BRAF: variants seen among roughly 807,000 people sequenced by gnomAD.
BRAF encodes serine/threonine-protein kinase B-raf.
BRAF carries 16 observed loss-of-function variants against 104.6 expected under a neutral mutation model. The ratio of observed to expected loss-of-function variants is 0.15; its 90% CI spans 0.10 to 0.23. The LOEUF (loss-of-function observed/expected upper bound fraction) is 0.23, where lower values mean the gene tolerates loss of function less well. Ranked by LOEUF, BRAF falls within the 10% of genes least tolerant of loss-of-function variation. The probability of loss-of-function intolerance (pLI) is 1.00; values close to 1 mark genes in which losing one functional copy is unlikely to be tolerated. For synonymous variants in BRAF, 310 were observed against 341.6 expected (o/e 0.91, Z 1.02); for missense variants, 541 against 937.3 (o/e 0.58, Z 5.52).
chr7:140,872,475 A>T (rs1811726055), intron 1 of BRAF, among the ~76,000 whole-genome samples: 1 of 152,136 alleles, frequency 6.6e-6, no homozygotes, highest in Non-Finnish European at 1.5e-5. Context: ...AAATAAGAAG[A>T]AGAAATAACA....
At chr7:140,736,071 CCT>C (rs1012641872) in intron 18 of BRAF, among the ~76,000 whole-genome samples, 1 of 150,286 alleles carries the variant, frequency 6.7e-6, no homozygotes, top group Admixed American at 6.6e-5. Context: ...TTCTTCTGTA[CCT>C]TTTTTTTTTT....
chr7:140,745,324 T>A (rs889816201), intron 17 of BRAF, among the ~76,000 whole-genome samples: 1 of 152,192 alleles, frequency 6.6e-6, no homozygotes, highest in African/African-American at 2.4e-5. Context: ...CAAGAGTCTT[T>A]CAGGAGGAAT....
At chr7:140,717,180 G>A (rs1795148566), downstream of BRAF, among the ~76,000 whole-genome samples, 1 of 152,138 alleles carries the variant, frequency 6.6e-6, no homozygotes, top group Non-Finnish European at 1.5e-5. Context: ...ATATACCTAT[G>A]TAAAATGCAT....
chr7:140,774,055 G>C (rs1394998355), intron 14 of BRAF, among the ~76,000 whole-genome samples: 4 of 152,222 alleles, frequency 2.6e-5, no homozygotes, highest in Non-Finnish European at 5.9e-5. Context: ...AGAAACTGAA[G>C]ATGTGTCGGT....
intron 17 of BRAF, among the ~76,000 whole-genome samples, chr7:140,743,041 T>C (rs1441471045): frequency 6.6e-6 from 1 of 152,212 alleles, no homozygotes; most frequent in Non-Finnish European, 1.5e-5. Flanking sequence ...TCACACCAGT[T>C]AGAATCACAA....
chr7:140,796,894 A>C (rs963126442), intron 7 of BRAF, among the ~76,000 whole-genome samples: 2 of 152,222 alleles, frequency 1.3e-5, no homozygotes, highest in African/African-American at 4.8e-5. Flanking sequence ...TCTAATTTAC[A>C]TAACAGGTAT....
chr7:140,808,314 G>T (rs1562969756), intron 4 of BRAF: 1 of 283,116 alleles, frequency 3.5e-6, no homozygotes, highest in Non-Finnish European at 6.8e-6. Flanking sequence ...CTCCAGAAAA[G>T]ACCTACAACA....
At chr7:140,837,863 A>G (rs1339363332) in intron 2 of BRAF, among the ~76,000 whole-genome samples, 2 of 152,106 alleles carry the variant, frequency 1.3e-5, no homozygotes, top group African/African-American at 4.8e-5. Flanking sequence ...AGTTTACTCT[A>G]CTTCTTTATC....
chr7:140,840,497 T>C (rs937010503), intron 2 of BRAF, among the ~76,000 whole-genome samples: 3 of 151,978 alleles, frequency 2.0e-5, no homozygotes, highest in Admixed American at 6.5e-5. Flanking sequence ...CTAGAATATA[T>C]AAAGAACTCC....
At chr7:140,843,153 A>G (rs1381618825) in intron 2 of BRAF, among the ~76,000 whole-genome samples, 1 of 152,226 alleles carries the variant, frequency 6.6e-6, no homozygotes, top group Non-Finnish European at 1.5e-5. Context: ...AAGCATAGTC[A>G]CTAGTATAGG....
intron 1 of BRAF, among the ~76,000 whole-genome samples, chr7:140,866,894 C>T (rs1811024129): frequency 6.6e-6 from 1 of 151,778 alleles, no homozygotes. Context: ...CTTTGTAAGA[C>T]AGTGTTTTAA....
At chr7:140,813,493 T>A (rs144840393) in intron 3 of BRAF, among the ~76,000 whole-genome samples, 6 of 152,270 alleles carry the variant, frequency 3.9e-5, no homozygotes, top group African/African-American at 1.4e-4. Context: ...CTCTTTGACC[T>A]AGTCAAGCAT....
chr7:140,916,512 CT>C (rs1586649317), intron 1 of BRAF, among the ~76,000 whole-genome samples: 1 of 152,322 alleles, frequency 6.6e-6, no homozygotes, highest in East Asian at 1.9e-4. Context: ...CTAATTGACA[CT>C]TTCGGTGACT....
chr7:140,886,963 T>C (rs1348464568), intron 1 of BRAF, among the ~76,000 whole-genome samples: 1 of 152,204 alleles, frequency 6.6e-6, no homozygotes, highest in Admixed American at 6.5e-5. Flanking sequence ...AGAGAGGTAC[T>C]GGAGGCAGGG....
At chr7:140,858,815 A>G (rs1417966326) in intron 1 of BRAF, among the ~76,000 whole-genome samples, 8 of 151,966 alleles carry the variant, frequency 5.3e-5, no homozygotes, top group Non-Finnish European at 7.4e-5. Flanking sequence ...TAGTGTTTAT[A>G]TAAGTGTTTA....
chr7:140,800,904 T>C (rs748571224), intron 6 of BRAF: 1 of 253,112 alleles, frequency 4.0e-6, no homozygotes, highest in Non-Finnish European at 7.7e-6. Context: ...GTCTAATCTA[T>C]TAGAAAAACT....
At chr7:140,838,621 A>G (rs1490509877) in intron 2 of BRAF, among the ~76,000 whole-genome samples, 2 of 152,226 alleles carry the variant, frequency 1.3e-5, no homozygotes, top group African/African-American at 4.8e-5. Context: ...CTTAAAATTC[A>G]TATGGAAATA....
chr7:140,814,744 TAC>T (rs991920229), intron 3 of BRAF, among the ~76,000 whole-genome samples: 2 of 139,042 alleles, frequency 1.4e-5, no homozygotes, highest in African/African-American at 3.0e-5. Flanking sequence ...ATAATTTATA[TAC>T]AATATATAAC....
chr7:140,746,456 G>GAGA (rs1386345071), intron 17 of BRAF, among the ~76,000 whole-genome samples: 4 of 152,112 alleles, frequency 2.6e-5, no homozygotes. Context: ...AAAGAGCTAA[G>GAGA]AGAACTATTT....
Sources: allele counts gnomAD v4.1 joint callset (sites outside exome capture counted in the v4.1 genomes callset), GRCh38; gene constraint gnomAD v4.1.1; transcripts MANE v1.5; gene names NCBI Gene and HGNC (gene_info 2026-07-23, HGNC 2026-07-21).